The following IGSF10 variants were observed in gnomAD, a reference collection of about 807,000 sequenced individuals.
IGSF10 encodes the protein immunoglobulin superfamily member 10.
Under a neutral mutation model 128.2 loss-of-function variants are expected in IGSF10, and 126 were observed. The ratio of observed to expected loss-of-function variants is 0.98; its 90% CI spans 0.85 to 1.14. IGSF10 has a LOEUF of 1.14. Ranked by LOEUF, IGSF10 falls within the 50% of genes most tolerant of loss-of-function variation. The probability of loss-of-function intolerance (pLI) is 0.00; values close to 1 mark genes in which losing one functional copy is unlikely to be tolerated. For missense variants in IGSF10, 3,295 were observed against 3,149.8 expected (o/e 1.05, Z -1.10); for synonymous variants, 1,185 against 1,146.2 (o/e 1.03, Z -0.68).
the IGSF10 span, among the ~76,000 whole-genome samples, chr3:151,598,636 G>A: frequency 2.0e-5 from 3 of 152,198 alleles, no homozygotes; most frequent in Non-Finnish European, 4.4e-5. Flanking sequence ...TATGTAAATT[G>A]TTGTTACACA....
At chr3:151,435,609 A>AAAT (rs1429559007), downstream of IGSF10, 1 of 111,366 alleles carries the variant, frequency 9.0e-6, no homozygotes, top group African/African-American at 3.2e-5. Flanking sequence ...CCCATTTATA[A>AAAT]AGCTCCTATA....
chr3:151,600,471 T>C, the IGSF10 span, among the ~76,000 whole-genome samples: 4 of 152,206 alleles, frequency 2.6e-5, no homozygotes. Flanking sequence ...TCAATTAATA[T>C]GATTTGCAGT....
At chr3:151,526,187 T>A in the IGSF10 span, among the ~76,000 whole-genome samples, 1 of 152,052 alleles carries the variant, frequency 6.6e-6, no homozygotes, top group African/African-American at 2.4e-5. Flanking sequence ...GGAAACAGAG[T>A]GAAGGTTTAG....
Position 151,438,182 on chromosome 3 carries a change from T to TC in IGSF10, c.6378dup (p.Lys2127GlufsTer3). 6.2e-7 allele frequency: 1 copy of TC among 1,614,158 alleles called. No individual in the cohort carries two copies. The highest frequency in any genetic ancestry group is 8.5e-7 in the Non-Finnish European group (1 of 1,180,024). ...GTTAAGTGGACCTTCATTTCATCTT[T>TC]CCCTAGGGTGTTCTGGGCATAGCAA... On this transcript the variant is annotated frameshift_variant, in exon 8 of 8. Transcript: ENST00000282466. LOFTEE classifies it low-confidence loss of function (END_TRUNC).
chr3:151,619,588 A>G, the IGSF10 span, among the ~76,000 whole-genome samples: 1 of 151,974 alleles, frequency 6.6e-6, no homozygotes, highest in Non-Finnish European at 1.5e-5. Context: ...ATGAATATGC[A>G]TTTTATGATT....
the IGSF10 span, among the ~76,000 whole-genome samples, chr3:151,557,437 A>G: frequency 2.0e-5 from 3 of 152,144 alleles, no homozygotes; most frequent in African/African-American, 7.2e-5. Context: ...AGAAATTTAC[A>G]GAAGTTGACT....
chr3:151,439,877 C>CA (rs1378040810), intron 7 of IGSF10, among the ~76,000 whole-genome samples: 1 of 152,226 alleles, frequency 6.6e-6, no homozygotes, highest in Admixed American at 6.5e-5. Context: ...AAAGTGCTAT[C>CA]AGGGATACCT....
chr3:151,579,614 T>G, the IGSF10 span, among the ~76,000 whole-genome samples: 3 of 149,042 alleles, frequency 2.0e-5, no homozygotes, highest in Non-Finnish European at 4.5e-5. Flanking sequence ...AAAAAAAAAC[T>G]GCCAGAGAAT....
At chr3:151,582,969 C>G in the IGSF10 span, among the ~76,000 whole-genome samples, 1 of 151,696 alleles carries the variant, frequency 6.6e-6, no homozygotes, top group South Asian at 2.1e-4. Context: ...TCTTTTATTC[C>G]TAGCTTGCCT....
At chr3:151,532,593 T>C in the IGSF10 span, among the ~76,000 whole-genome samples, 1,268 of 152,252 alleles carry the variant, frequency 8.3e-3, 19 homozygotes, top group African/African-American at 0.029. Flanking sequence ...ATTATCTCAA[T>C]AGATGCAGAA....
In IGSF10 at chr3:151,443,307, A is replaced by G; in HGVS notation, c.5640T>C (p.Asp1880=). 3 of 1,614,164 alleles carry G rather than the reference A, an allele frequency of 1.9e-6. No homozygotes were observed. Among genetic ancestry groups the G allele is most frequent in the Non-Finnish European group, 2.5e-6 (3 of 1,179,984 alleles). Residue 1880 remains aspartate (D), a synonymous_variant, in exon 7 of 8, where the codon GAT becomes GAC. Transcript: ENST00000282466. ...ACTGTAATGGTTTCACTTCAGTGCC[A>G]TCAGAGAGGACCCAGTAAACGCTGG... ...PQPSVYWVLS[D]GTEVKPLQFT...
In IGSF10 at chr3:151,437,111, T is replaced by C. The variant is rs201011440; in HGVS notation, c.7450A>G (p.Ile2484Val). Residue 2484 changes from isoleucine to valine, a missense_variant, in exon 8 of 8, where the codon ATA becomes GTA. By Grantham distance (29) the Ile-to-Val change is conservative. Coordinates refer to ENST00000282466, the MANE Select transcript of IGSF10 (RefSeq NM_178822.5). ...ACTAAGGTGCCATTGTCATGCAATA[T>C]GTATTTCCCATTAATTTGAGGCCTG... The part of the protein sequence containing the change: ...VDRPQINGKY[I>V]LHDNGTLVIK... 213 of 1,614,088 alleles carry C rather than the reference T, an allele frequency of 1.3e-4. No homozygotes were observed. The highest frequency in any genetic ancestry group is 1.3e-4 in the Non-Finnish European group (149 of 1,180,036).
At position 151,447,763 on chromosome 3, in the gene IGSF10, T is replaced by C; in HGVS notation, c.2218A>G (p.Asn740Asp). 6.2e-7 allele frequency: 1 copy of C among 1,614,132 alleles called. No homozygotes were observed. The highest frequency in any genetic ancestry group is 1.3e-5 in the African/African-American group (1 of 75,022). Residue 740 changes from asparagine to aspartate, a missense_variant, in exon 6 of 8, where the codon AAT becomes GAT. Coordinates refer to ENST00000282466, the MANE Select transcript of IGSF10 (RefSeq NM_178822.5). ...GCAGAGGGAGGGAAATGCCTCCTAT[T>C]CTCCCTAAAACGTCGATGTGTTGAA... ...GDSTHRRFRENRRHFPPSARR... is the reference protein window; with the variant it reads ...GDSTHRRFREDRRHFPPSARR...
chr3:151,455,121 T>G (rs1357228263), intron 4 of IGSF10, among the ~76,000 whole-genome samples: 2 of 152,074 alleles, frequency 1.3e-5, no homozygotes, highest in Non-Finnish European at 1.5e-5. Flanking sequence ...GTTTTGTTTT[T>G]TTTTTTGAGA....
At chr3:151,607,353 C>T in the IGSF10 span, among the ~76,000 whole-genome samples, 1 of 151,852 alleles carries the variant, frequency 6.6e-6, no homozygotes, top group Non-Finnish European at 1.5e-5. Context: ...TGCATTTTAG[C>T]ACGAGGTACA....
chr3:151,515,632 A>G, the IGSF10 span, among the ~76,000 whole-genome samples: 1 of 151,572 alleles, frequency 6.6e-6, no homozygotes, highest in Admixed American at 6.6e-5. Flanking sequence ...AAAAAATAAA[A>G]GTGCTGCATT....
At chr3:151,533,739 C>T in the IGSF10 span, among the ~76,000 whole-genome samples, 1 of 152,164 alleles carries the variant, frequency 6.6e-6, no homozygotes, top group African/African-American at 2.4e-5. Context: ...AGGACATAGG[C>T]ATGGGCAAGG....
chr3:151,608,439 G>C, the IGSF10 span, among the ~76,000 whole-genome samples: 3 of 152,198 alleles, frequency 2.0e-5, no homozygotes, highest in Non-Finnish European at 2.9e-5. Flanking sequence ...TTAGCCTTTG[G>C]ACGTTCAGGT....
intron 5 of IGSF10, among the ~76,000 whole-genome samples, chr3:151,450,112 G>T (rs1439271620): frequency 6.6e-6 from 1 of 152,188 alleles, no homozygotes; most frequent in Non-Finnish European, 1.5e-5. Context: ...ACAGCACTAG[G>T]ACCAGCATTA....
Sources: allele counts gnomAD v4.1 joint callset (sites outside exome capture counted in the v4.1 genomes callset), GRCh38; gene constraint gnomAD v4.1.1; transcripts MANE v1.5; gene names NCBI Gene and HGNC (gene_info 2026-07-23, HGNC 2026-07-21).